Variants in TBC1D25 observed in about 807,000 individuals in gnomAD.
TBC1D25 encodes TBC1 domain family member 25.
In TBC1D25, 13 loss-of-function variants were observed where a neutral mutation model predicts 38.8. That is an observed-to-expected ratio of 0.34 (90% confidence interval 0.22 to 0.53). The LOEUF (loss-of-function observed/expected upper bound fraction) is 0.53. Among genes scored for constraint, TBC1D25 ranks in the 20% least tolerant of loss-of-function variants. The pLI is 0.94. For synonymous variants in TBC1D25, 225 were observed against 255.6 expected (o/e 0.88, Z 1.14); for missense variants, 372 against 600.0 (o/e 0.62, Z 3.97).
chrX:48,539,785 G>A lies in TBC1D25; in HGVS notation c.-13G>A. 1 of 960,467 alleles carries A rather than the reference G, an allele frequency of 1.0e-6. No individual in the cohort carries two copies. Among genetic ancestry groups the A allele is most frequent in the South Asian group, 4.6e-5 (1 of 21,915 alleles). 79.2% of individuals were successfully genotyped at this position (960,467 alleles called of 1,213,427 possible). A position where few individuals can be genotyped will look rare whatever the true frequency, so the allele number is the denominator to read the frequency against. On this transcript the variant is annotated 5_prime_UTR_variant, in exon 1 of 6. Coordinates refer to ENST00000376771, the MANE Select transcript of TBC1D25 (RefSeq NM_002536.4). ...CAACGGTCAGCCGTCACCCTGAGAC[G>A]GGCGGCGGCGGGATGGCAACAGCCT... is the stretch of plus-strand genomic sequence containing the variant.
rs1556985728 is a variant in TBC1D25 at position 48,560,206 on chromosome X, C to T, written c.1298C>T (p.Ser433Leu). 5.8e-6 allele frequency: 7 copies of T among 1,210,426 alleles called. No individual in the cohort carries two copies. The highest frequency in any genetic ancestry group is 3.0e-5 in the East Asian group (1 of 33,789). ...CGCATGCTTGAGGTCACTTGGAGTT[C>T]GCTGCCCCCTGATCCTCCTGAACAT... Reference protein sequence around the residue: ...ALRMLEVTWSSLPPDPPEHEV... With the variant: ...ALRMLEVTWSLLPPDPPEHEV... Residue 433 changes from serine to leucine, a missense_variant, in exon 6 of 6, where the codon TCG becomes TTG. Ser to Leu is a moderately radical substitution (Grantham distance 145, BLOSUM62 -2). Coordinates refer to ENST00000376771, the MANE Select transcript of TBC1D25 (RefSeq NM_002536.4).
intron 3 of TBC1D25, among the ~76,000 whole-genome samples, chrX:48,548,436 A>G (rs1157780606): frequency 3.6e-5 from 4 of 110,874 alleles, no homozygotes; most frequent in African/African-American, 1.3e-4. Context: ...TAGTTTTATG[A>G]TATGTTTTCA....
At position 48,541,394 on chromosome X, in the gene TBC1D25, C is replaced by T. The variant is rs2061837749; in HGVS notation, c.185C>T (p.Ser62Leu). The change falls in exon 2 of 6, where the codon TCG (serine) becomes TTG (leucine). Residue 62 changes from serine (S) to leucine (L), a missense_variant. Ser to Leu is a moderately radical substitution (Grantham distance 145). Transcript: ENST00000376771. The stretch of plus-strand genomic sequence containing the variant: ...TTTGCTGTAGATCCCCAGATCACCT[C>T]GCTCGACGTGTTGCAGCACATCCTC... ...RSFAVDPQIT[S>L]LDVLQHILIR... 4 of 1,211,985 alleles carry T rather than the reference C, an allele frequency of 3.3e-6. No individual in the cohort carries two copies. Among genetic ancestry groups the T allele is most frequent in the Middle Eastern group, 2.3e-4 (1 of 4,350 alleles).
intron 3 of TBC1D25, among the ~76,000 whole-genome samples, chrX:48,549,191 A>G (rs868922309): frequency 2.7e-5 from 3 of 112,389 alleles, no homozygotes; most frequent in East Asian, 5.6e-4. Context: ...GTGCACCACC[A>G]TGCCCAGCTA....
At chrX:48,540,530 A>G (rs782555247) in intron 1 of TBC1D25, among the ~76,000 whole-genome samples, 1 of 112,096 alleles carries the variant, frequency 8.9e-6, no homozygotes, top group Non-Finnish European at 1.9e-5. Flanking sequence ...TAGCAAGGGC[A>G]AAGACTAGAG....
chrX:48,545,127 G>A, intron 3 of TBC1D25, 104 bp downstream of exon 3: 1 of 1,028,948 alleles, frequency 9.7e-7, no homozygotes, highest in Non-Finnish European at 1.3e-6. Flanking sequence ...TGGGTAGCAA[G>A]GTATCCTAGC....
intron 3 of TBC1D25, among the ~76,000 whole-genome samples, chrX:48,546,472 C>T (rs1304478276): frequency 1.8e-5 from 2 of 110,958 alleles, no homozygotes; most frequent in Admixed American, 1.9e-4. Flanking sequence ...AAGATCGCAC[C>T]ACTGCACTCC....
chrX:48,556,673 G>A (rs1190527490), intron 3 of TBC1D25, among the ~76,000 whole-genome samples: 4 of 104,916 alleles, frequency 3.8e-5, no homozygotes, highest in African/African-American at 1.4e-4. Flanking sequence ...GTTGAACCTG[G>A]GAGGCAGAGG....
At chrX:48,555,969 T>G (rs1285566155) in intron 3 of TBC1D25, among the ~76,000 whole-genome samples, 5 of 107,634 alleles carry the variant, frequency 4.6e-5, no homozygotes, top group African/African-American at 1.7e-4. Flanking sequence ...TATCTCAGAA[T>G]AGAACGAATG....
Position 48,560,867 on chromosome X carries a change from A to C in TBC1D25, c.1959A>C (p.Lys653Asn), listed in dbSNP as rs1556986187. The change falls in exon 6 of 6, where the codon AAA becomes AAC. Residue 653 changes from lysine to asparagine, a missense_variant. This residue lies in a region of TBC1D25 where 312 missense variants were observed against 549.3 expected (regional missense o/e 0.57). Coordinates refer to ENST00000376771, the MANE Select transcript of TBC1D25 (RefSeq NM_002536.4). Reference protein sequence around the residue: ...LAMHFDRLVRKHHLGRVLRRA... With the variant: ...LAMHFDRLVRNHHLGRVLRRA... ...TGCACTTTGACCGCCTTGTGCGAAA[A>C]CACCACCTGGGGCGCGTCCTGCGCC... is the stretch of plus-strand genomic sequence containing the variant. 8.2e-7 allele frequency: 1 copy of C among 1,212,127 alleles called. No individual in the cohort carries two copies. The highest frequency in any genetic ancestry group is 1.7e-5 in the African/African-American group (1 of 57,982).
In TBC1D25 at chrX:48,539,770, C is replaced by A. The variant is rs1219655161; in HGVS notation, c.-28C>A. The A allele has an allele frequency of 6.3e-6, 6 of 951,708 alleles. No individual in the cohort carries two copies. Among genetic ancestry groups the A allele is most frequent in the Non-Finnish European group, 7.9e-6 (6 of 762,251 alleles). 78.4% of individuals were successfully genotyped at this position (951,708 alleles called of 1,213,427 possible). On this transcript the variant is annotated 5_prime_UTR_variant, in exon 1 of 6. Transcript: ENST00000376771. ...CGCCGGGGTGGGGGGCAACGGTCAG[C>A]CGTCACCCTGAGACGGGCGGCGGCG...
intron 3 of TBC1D25, among the ~76,000 whole-genome samples, chrX:48,555,151 C>A (rs1410280342): frequency 4.5e-5 from 5 of 111,148 alleles, no homozygotes; most frequent in African/African-American, 1.6e-4. Flanking sequence ...GGATGTCTCT[C>A]AGGTTTCTGG....
At chrX:48,548,473 G>A (rs2061904622) in intron 3 of TBC1D25, among the ~76,000 whole-genome samples, 2 of 111,238 alleles carry the variant, frequency 1.8e-5, no homozygotes, top group Non-Finnish European at 3.8e-5. Flanking sequence ...AAATTTTCTT[G>A]AATATTCTTG....
At chrX:48,553,867 G>T (rs940623739) in intron 3 of TBC1D25, among the ~76,000 whole-genome samples, 3 of 107,897 alleles carry the variant, frequency 2.8e-5, no homozygotes, top group African/African-American at 1.0e-4. Flanking sequence ...CAAGCAATCC[G>T]CCCGCCTTGG....
chrX:48,550,428 T>TA (rs201766383), intron 3 of TBC1D25, among the ~76,000 whole-genome samples: 9,643 of 111,733 alleles, frequency 0.086, 346 homozygotes, highest in Middle Eastern at 0.16. Flanking sequence ...TCTATTTGTC[T>TA]ACTGCTGTGC....
At chrX:48,554,401 T>C (rs2061960161) in intron 3 of TBC1D25, among the ~76,000 whole-genome samples, 2 of 106,729 alleles carry the variant, frequency 1.9e-5, no homozygotes, top group Admixed American at 2.0e-4. Flanking sequence ...AATACAAAAA[T>C]TAGCAAAAAT....
At position 48,560,315 on chromosome X, in the gene TBC1D25, C is replaced by G. The variant is rs782188118; in HGVS notation, c.1407C>G (p.His469Gln). ...GGGGGTGGCCCGTGCGACAGAGGCA[C>G]ATGCTGAGGCCTGCTGGTGGAGGAG... The part of the protein sequence containing the change: ...GHRGWPVRQR[H>Q]MLRPAGGGGS... The change falls in exon 6 of 6, where the codon CAC (histidine) becomes CAG (glutamine). Residue 469 changes from histidine to glutamine, a missense_variant. Coordinates refer to ENST00000376771, the MANE Select transcript of TBC1D25 (RefSeq NM_002536.4). 1 of 1,211,725 alleles carries G rather than the reference C, an allele frequency of 8.3e-7. No individual in the cohort carries two copies. The highest frequency in any genetic ancestry group is 1.8e-5 in the South Asian group (1 of 56,996).
rs2061824052 is a variant in TBC1D25 at position 48,539,857 on chromosome X, G to T, written c.60G>T (p.Val20=). ...LSGSGAPPPG[V]GAQAAAAAEE... Reference sequence around the variant, plus strand: ...GCTCCGGAGCGCCCCCGCCCGGTGTGGGAGCTCAGGCGGCGGCGGCCGCTG... The same window carrying T: ...GCTCCGGAGCGCCCCCGCCCGGTGTTGGAGCTCAGGCGGCGGCGGCCGCTG... The change falls in exon 1 of 6, where the codon GTG becomes GTT. Residue 20 remains valine, a synonymous_variant. Coordinates refer to ENST00000376771, the MANE Select transcript of TBC1D25 (RefSeq NM_002536.4). 2 of 972,880 alleles carry T rather than the reference G, an allele frequency of 2.1e-6. No individual in the cohort carries two copies. The highest frequency in any genetic ancestry group is 2.6e-6 in the Non-Finnish European group (2 of 771,517). 80.2% of individuals were successfully genotyped at this position (972,880 alleles called of 1,213,427 possible).
chrX:48,550,206 C>T (rs2061918831), intron 3 of TBC1D25, among the ~76,000 whole-genome samples: 1 of 110,784 alleles, frequency 9.0e-6, no homozygotes, highest in African/African-American at 3.3e-5. Context: ...AGGTTGGTGT[C>T]GAACTTATGA....
Sources: gnomAD v4.1 joint callset for allele counts (sites outside exome capture counted in the v4.1 genomes callset) on GRCh38, gnomAD v4.1.1 for gene constraint, gnomAD v4.1.1 regional missense constraint, MANE v1.5 for transcripts, NCBI Gene and HGNC (gene_info 2026-07-23, HGNC 2026-07-21) for gene names.